The following SLC25A31 variants were observed in gnomAD, a reference collection of about 807,000 sequenced individuals.
The protein encoded by SLC25A31 is ADP/ATP translocase 4.
SLC25A31 carries 40 observed loss-of-function variants against 36.2 expected under a neutral mutation model. The observed-to-expected ratio is 1.10, with a 90% confidence interval of 0.86 to 1.44. The LOEUF is 1.44. SLC25A31 is among the 40% of genes most tolerant of loss of function. SLC25A31 has a pLI of 0.00. For synonymous variants in SLC25A31, 143 were observed against 149.7 expected, an observed-to-expected ratio of 0.96 and a Z score of 0.32; for missense variants, 350 against 397.1, an observed-to-expected ratio of 0.88 and a Z score of 1.01.
chr4:127,768,730 T>C (rs1413109305), intron 4 of SLC25A31, 22 bp from the exon 5 acceptor site: 3 of 1,565,622 alleles, frequency 1.9e-6, no homozygotes, highest in Non-Finnish European at 2.6e-6. Flanking sequence ...GGATAGTTAC[T>C]TGGCACATTT....
chr4:127,756,312 T>G (rs1394068670), intron 2 of SLC25A31, among the ~76,000 whole-genome samples: 1 of 152,180 alleles, frequency 6.6e-6, no homozygotes, highest in African/African-American at 2.4e-5. Context: ...CTAAGTGAAG[T>G]AAGCCAGGTG....
rs1731504482 is a variant in SLC25A31, at chr4:127,730,719, C to T, written c.174C>T (p.Ser58=). 6.2e-7 allele frequency: 1 copy of T among 1,613,688 alleles called. No homozygotes were observed. Among genetic ancestry groups the T allele is most frequent in the South Asian group, 1.1e-5 (1 of 91,076 alleles). Residue 58 remains serine (S), a synonymous_variant, in exon 1 of 6, where the codon AGC becomes AGT. Transcript: ENST00000281154. ...TGCAGGCGTCGTCGAAGCAGATCAG[C>T]CCCGAGGCGCGGTACAAAGGCATGG... ...LQVQASSKQI[S]PEARYKGMVD...
chr4:127,764,942 CCT>C (rs1279988335), intron 3 of SLC25A31, among the ~76,000 whole-genome samples: 10 of 152,102 alleles, frequency 6.6e-5, no homozygotes, highest in African/African-American at 2.4e-4. Flanking sequence ...AAAATATTAC[CCT>C]GACTTCTAGT....
chr4:127,735,876 A>ATTT (rs1560630392), intron 1 of SLC25A31, among the ~76,000 whole-genome samples: 40 of 73,738 alleles, frequency 5.4e-4, no homozygotes, highest in African/African-American at 1.8e-3. Context: ...TATTTTATTT[A>ATTT]TTTATTTATT....
chr4:127,750,667 G>A (rs1731913520), intron 2 of SLC25A31, among the ~76,000 whole-genome samples: 4 of 152,170 alleles, frequency 2.6e-5, no homozygotes, highest in East Asian at 1.9e-4. Context: ...TTGAACTTAA[G>A]TTGATAATCA....
At chr4:127,747,950 T>C (rs1161480584) in intron 2 of SLC25A31, among the ~76,000 whole-genome samples, 1 of 152,222 alleles carries the variant, frequency 6.6e-6, no homozygotes, top group Non-Finnish European at 1.5e-5. Context: ...AGTTTATAGT[T>C]GTCCCATCCT....
In SLC25A31 at chr4:127,768,866, A is replaced by G. The variant is rs1303904172; in HGVS notation, c.748A>G (p.Met250Val). ...SYPFDTVRRR[M>V]MMQSGEAKRQ... ...TCCCTTTGACACAGTTAGAAGACGT[A>G]TGATGATGCAGGTATTTTATGTTAT... Residue 250 changes from methionine to valine, a missense_variant, in exon 5 of 6, where the codon ATG becomes GTG. Physicochemically the swap from Met to Val is conservative, Grantham distance 21. Coordinates refer to ENST00000281154, the MANE Select transcript of SLC25A31 (RefSeq NM_031291.4). The G allele has an allele frequency of 6.3e-7, 1 of 1,593,070 alleles. No individual in the cohort carries two copies. Among genetic ancestry groups the G allele is most frequent in the South Asian group, 1.2e-5 (1 of 85,292 alleles).
In SLC25A31 at chr4:127,730,679, A is replaced by G. The variant is rs1364495765; in HGVS notation, c.134A>G (p.Lys45Arg). Residue 45 changes from lysine (K) to arginine (R), a missense_variant, in exon 1 of 6, where the codon AAG (lysine) becomes AGG (arginine). Lys to Arg is a conservative substitution (Grantham distance 26, BLOSUM62 2). Transcript: ENST00000281154. ...GCGGTGGCGCCCATCGAGCGGGTGA[A>G]GCTGCTGCTGCAGGTGCAGGCGTCG... ...KTAVAPIERV[K>R]LLLQVQASSK... The G allele has an allele frequency of 6.2e-7, 1 of 1,613,792 alleles. No homozygotes were observed. The highest frequency in any genetic ancestry group is 8.5e-7 in the Non-Finnish European group (1 of 1,179,942).
At chr4:127,768,680 T>G in intron 4 of SLC25A31, 72 bp from the exon 5 acceptor site, 1 of 1,307,116 alleles carries the variant, frequency 7.7e-7, no homozygotes, top group South Asian at 1.8e-5. Flanking sequence ...TTTATAAAAA[T>G]TATCCTTTAA....
At chr4:127,768,708 T>G in intron 4 of SLC25A31, 44 bp from the exon 5 acceptor site, 2 of 1,508,378 alleles carry the variant, frequency 1.3e-6, no homozygotes, top group East Asian at 2.3e-5. Context: ...ATTTAAGATA[T>G]TTTAGAAATT....
rs1560633267 is a variant in SLC25A31, at chr4:127,744,809, T to A, written c.360+10T>A. On this transcript the variant is annotated intron_variant, in intron 2 of 5. Transcript: ENST00000281154. ...TAATAAAGAAAAACAGGTAATTATATTTTTTTTTTACTTTTTTCTTCCAAT... is the reference window on the plus strand; with the variant it reads ...TAATAAAGAAAAACAGGTAATTATAATTTTTTTTTACTTTTTTCTTCCAAT... 2 of 1,203,014 alleles carry A rather than the reference T, an allele frequency of 1.7e-6. No homozygotes were observed. The allele number at this position is 1,203,014 out of a possible 1,614,324, so 74.5% of individuals were successfully genotyped here.
At chr4:127,770,949 C>CG (rs1732346629) in intron 5 of SLC25A31, among the ~76,000 whole-genome samples, 8 of 80,812 alleles carry the variant, frequency 9.9e-5, no homozygotes, top group Admixed American at 4.2e-4. Flanking sequence ...TCTTCTTCTT[C>CG]TTTTTTTTTT....
At chr4:127,757,109 A>G (rs1176851940) in intron 2 of SLC25A31, among the ~76,000 whole-genome samples, 1 of 152,190 alleles carries the variant, frequency 6.6e-6, no homozygotes, top group Admixed American at 6.5e-5. Context: ...AAATCACATC[A>G]CAGGATATTA....
At chr4:127,744,598 T>TA in intron 1 of SLC25A31, 74 bp from the exon 2 acceptor site, 2 of 1,353,070 alleles carry the variant, frequency 1.5e-6, no homozygotes, top group South Asian at 3.6e-5. Context: ...TTCATATAGC[T>TA]AAATTTGCTA....
chr4:127,767,078 G>A lies in SLC25A31; in HGVS notation c.491G>A (p.Arg164Gln), dbSNP rs201269041. 1.7e-5 allele frequency: 27 copies of A among 1,609,484 alleles called. No homozygotes were observed. Among genetic ancestry groups the A allele is most frequent in the East Asian group, 2.2e-5 (1 of 44,748 alleles). ...GGCTTTATTTTAGGTCCTGAGGAGCGACAATTCAAGGGTTTAGGTGACTGT... is the reference window on the plus strand; with the variant it reads ...GGCTTTATTTTAGGTCCTGAGGAGCAACAATTCAAGGGTTTAGGTGACTGT... Reference protein sequence around the residue: ...GVDIGKGPEERQFKGLGDCIM... With the variant: ...GVDIGKGPEEQQFKGLGDCIM... The change falls in exon 4 of 6, where the codon CGA becomes CAA. Residue 164 changes from arginine to glutamine, a missense_variant. Transcript: ENST00000281154.
chr4:127,761,752 A>T (rs1560638639), intron 2 of SLC25A31, among the ~76,000 whole-genome samples: 1 of 152,168 alleles, frequency 6.6e-6, no homozygotes, highest in South Asian at 2.1e-4. Context: ...TACATGTGTA[A>T]TTTTTCTTAG....
At chr4:127,757,780 C>G (rs1247341775) in intron 2 of SLC25A31, among the ~76,000 whole-genome samples, 2 of 152,130 alleles carry the variant, frequency 1.3e-5, no homozygotes, top group Non-Finnish European at 2.9e-5. Flanking sequence ...TTACACATGA[C>G]TGACATATAT....
At chr4:127,730,805 C>T (rs1361643529) in intron 1 of SLC25A31, 28 bp downstream of exon 1, 15 of 1,582,416 alleles carry the variant, frequency 9.5e-6, no homozygotes, top group Non-Finnish European at 1.1e-5. Context: ...GCCCCGACAG[C>T]CTCTCCCGGC....
chr4:127,755,660 AAAG>A (rs1248145971), intron 2 of SLC25A31, among the ~76,000 whole-genome samples: 1 of 152,226 alleles, frequency 6.6e-6, no homozygotes, highest in Non-Finnish European at 1.5e-5. Context: ...ACTAGAGAGA[AAAG>A]AAAACCCTTG....
Sources: allele counts gnomAD v4.1 joint callset (sites outside exome capture counted in the v4.1 genomes callset), GRCh38; gene constraint gnomAD v4.1.1; transcripts MANE v1.5; gene names NCBI Gene and HGNC (gene_info 2026-07-23, HGNC 2026-07-21).